SLC4A4: variants seen among roughly 807,000 people sequenced by gnomAD.
SLC4A4 encodes the protein solute carrier family 4 member 4.
Under a neutral mutation model 111.5 loss-of-function variants are expected in SLC4A4, and 27 were observed. That is an observed-to-expected ratio of 0.24 (90% CI 0.18 to 0.33). The LOEUF is 0.33. SLC4A4 is among the 10% of genes least tolerant of loss of function. The probability of loss-of-function intolerance (pLI) is 1.00; values close to 1 mark genes in which losing one functional copy is unlikely to be tolerated. For missense variants in SLC4A4, 909 were observed against 1,315.5 expected (o/e 0.69, Z 4.78); for synonymous variants, 443 against 463.4 (o/e 0.96, Z 0.57).
At chr4:71,121,211 T>C (rs1443345692) in intron 2 of SLC4A4, among the ~76,000 whole-genome samples, 16 of 146,930 alleles carry the variant, frequency 1.1e-4, no homozygotes, top group Admixed American at 1.0e-3. Context: ...CCTCCCCCGC[T>C]TCCCTCCCCC....
intron 2 of SLC4A4, among the ~76,000 whole-genome samples, chr4:71,127,904 T>C (rs1012713746): frequency 1.4e-4 from 22 of 152,134 alleles, no homozygotes; most frequent in Non-Finnish European, 2.9e-4. Context: ...GGGAGGATCA[T>C]TTGAGTCCAG....
At chr4:71,179,916 C>G (rs10021894) in intron 2 of SLC4A4, among the ~76,000 whole-genome samples, 8 of 151,956 alleles carry the variant, frequency 5.3e-5, no homozygotes, top group Admixed American at 2.0e-4. Context: ...CCAAAAGAAC[C>G]AAGCTGGAGG....
intron 17 of SLC4A4, among the ~76,000 whole-genome samples, chr4:71,533,050 A>G (rs937992200): frequency 3.9e-5 from 6 of 152,132 alleles, no homozygotes; most frequent in Admixed American, 1.3e-4. Context: ...TTCTAGAATA[A>G]TCCTCCTTCC....
chr4:71,330,289 G>A (rs1329967076), intron 3 of SLC4A4, among the ~76,000 whole-genome samples: 1 of 151,956 alleles, frequency 6.6e-6, no homozygotes, highest in African/African-American at 2.4e-5. Flanking sequence ...ATTTGCCTTT[G>A]GTTTTGGTAT....
chr4:71,366,835 T>G (rs1192318660), intron 6 of SLC4A4, among the ~76,000 whole-genome samples: 1 of 152,234 alleles, frequency 6.6e-6, no homozygotes, highest in African/African-American at 2.4e-5. Context: ...ACAGAGTTTA[T>G]ATCTCCTCCT....
At chr4:71,241,757 TAAA>T (rs1720243711) in intron 2 of SLC4A4, among the ~76,000 whole-genome samples, 1 of 152,184 alleles carries the variant, frequency 6.6e-6, no homozygotes, top group Non-Finnish European at 1.5e-5. Context: ...AAAGCCTTCT[TAAA>T]AGGAAACAAT....
intron 7 of SLC4A4, among the ~76,000 whole-genome samples, chr4:71,420,560 GA>G (rs1030937329): frequency 2.6e-5 from 4 of 152,148 alleles, no homozygotes; most frequent in Non-Finnish European, 5.9e-5. Flanking sequence ...TGAAATGAAG[GA>G]AAAATGTTAA....
At chr4:71,447,839 C>T in intron 9 of SLC4A4, 106 bp downstream of exon 9, 1 of 778,448 alleles carries the variant, frequency 1.3e-6, no homozygotes, top group East Asian at 2.7e-5. Context: ...GGTTACTAGA[C>T]TTCCTTATAG....
At chr4:71,133,659 C>T (rs1333508629) in intron 2 of SLC4A4, among the ~76,000 whole-genome samples, 1 of 152,188 alleles carries the variant, frequency 6.6e-6, no homozygotes, top group Non-Finnish European at 1.5e-5. Flanking sequence ...TGCCAGGTCA[C>T]AAGGGTGGCT....
At position 71,199,931 on chromosome 4, in the gene SLC4A4, G is replaced by A. The variant is rs1474877605; in HGVS notation, c.-2+12530G>A. On this transcript the variant is annotated intron_variant, in intron 1 of 25. Coordinates refer to ENST00000264485, the MANE Select transcript of SLC4A4 (RefSeq NM_001098484.3). ...TTCCCAAAGTGCTGGGATTACAGGC[G>A]TGAACCACTGTGTCCAGCCCACGAG... is the stretch of plus-strand genomic sequence containing the variant. 3.3e-5 allele frequency among the ~76,000 whole-genome samples: 5 copies of A among 150,588 alleles called. No individual in the cohort carries two copies. In the East Asian group the frequency reaches 5.8e-4, roughly 17 times the overall value.
intron 7 of SLC4A4, among the ~76,000 whole-genome samples, chr4:71,438,488 G>A (rs947677427): frequency 6.6e-6 from 1 of 152,166 alleles, no homozygotes; most frequent in Admixed American, 6.5e-5. Flanking sequence ...GTAACTATTT[G>A]ACAAACTATG....
chr4:71,433,479 T>TA (rs562892057), intron 7 of SLC4A4, among the ~76,000 whole-genome samples: 3 of 151,702 alleles, frequency 2.0e-5, no homozygotes, highest in Non-Finnish European at 2.9e-5. Flanking sequence ...ATATCTGCCA[T>TA]AAAAAAAAGA....
chr4:71,204,387 T>C (rs1717616463), intron 1 of SLC4A4, among the ~76,000 whole-genome samples: 1 of 152,210 alleles, frequency 6.6e-6, no homozygotes, highest in African/African-American at 2.4e-5. Flanking sequence ...TAGAGGTGTC[T>C]TTGCTTTCCA....
At chr4:71,345,920 C>T (rs549603101) in intron 4 of SLC4A4, among the ~76,000 whole-genome samples, 5 of 152,064 alleles carry the variant, frequency 3.3e-5, no homozygotes, top group African/African-American at 1.2e-4. Flanking sequence ...TCATTTTTCC[C>T]AGGTACACAC....
intron 8 of SLC4A4, among the ~76,000 whole-genome samples, chr4:71,442,757 A>G (rs1724845664): frequency 6.6e-6 from 1 of 152,064 alleles, no homozygotes; most frequent in African/African-American, 2.4e-5. Flanking sequence ...CATTATTATG[A>G]TTATTTCTGT....
intron 20 of SLC4A4, among the ~76,000 whole-genome samples, chr4:71,550,039 A>G (rs780514548): frequency 2.0e-5 from 3 of 151,902 alleles, no homozygotes; most frequent in African/African-American, 4.8e-5. Flanking sequence ...TTCAGCTGCT[A>G]GTGTTCATGA....
intron 3 of SLC4A4, among the ~76,000 whole-genome samples, chr4:71,297,628 C>T (rs1429476825): frequency 6.7e-6 from 1 of 149,084 alleles, no homozygotes; most frequent in African/African-American, 2.5e-5. Flanking sequence ...AGCTCTGTCG[C>T]CCAGGCTGGA....
chr4:71,427,227 TTAAGA>T, intron 7 of SLC4A4, among the ~76,000 whole-genome samples: 1 of 152,094 alleles, frequency 6.6e-6, no homozygotes, highest in East Asian at 1.9e-4. Flanking sequence ...TTCTTATTTG[TTAAGA>T]TAATATATTT....
intron 7 of SLC4A4, among the ~76,000 whole-genome samples, chr4:71,419,727 T>A (rs1454585588): frequency 6.6e-6 from 1 of 152,152 alleles, no homozygotes; most frequent in South Asian, 2.1e-4. Flanking sequence ...TATCTGGCAC[T>A]CCCTAGTGAG....
Sources: gnomAD v4.1 joint callset for allele counts (sites outside exome capture counted in the v4.1 genomes callset) on GRCh38, gnomAD v4.1.1 for gene constraint, MANE v1.5 for transcripts, NCBI Gene and HGNC (gene_info 2026-07-23, HGNC 2026-07-21) for gene names.